The following TMEM232 variants were observed in gnomAD, a reference collection of about 807,000 sequenced individuals.
TMEM232 encodes the protein transmembrane protein 232.
TMEM232 carries 80 observed loss-of-function variants against 78.8 expected under a neutral mutation model. The ratio of observed to expected loss-of-function variants is 1.01; its 90% CI spans 0.85 to 1.22. The LOEUF is 1.22. Among genes scored for constraint, TMEM232 ranks in the 50% most tolerant of loss-of-function variants. The pLI is 0.00. For missense variants in TMEM232, 881 were observed against 742.2 expected, an observed-to-expected ratio of 1.19 and a Z score of -2.17; for synonymous variants, 297 against 254.3, an observed-to-expected ratio of 1.17 and a Z score of -1.60.
At chr5:110,402,630 C>G (rs1755643485) in intron 2 of TMEM232, among the ~76,000 whole-genome samples, 1 of 152,108 alleles carries the variant, frequency 6.6e-6, no homozygotes, top group Non-Finnish European at 1.5e-5. Flanking sequence ...ACAAGTACAG[C>G]TTAGGGAAAT....
At chr5:110,403,737 T>G (rs1755688691) in intron 2 of TMEM232, among the ~76,000 whole-genome samples, 1 of 151,972 alleles carries the variant, frequency 6.6e-6, no homozygotes, top group Non-Finnish European at 1.5e-5. Context: ...CAAAAACCTT[T>G]GAAAATCAGT....
In TMEM232 at chr5:110,398,030, A is replaced by T. The variant is rs141201798; in HGVS notation, n.309-176T>A. 3.5e-3 allele frequency among the ~76,000 whole-genome samples: 529 copies of T among 152,254 alleles called. 2 individuals are homozygous for T. Among genetic ancestry groups the T allele is most frequent in the Non-Finnish European group, 5.4e-3 (369 of 68,020 alleles). On this transcript the variant is annotated intron_variant and non_coding_transcript_variant, in intron 2 of 8. Transcript: ENST00000507188. ...AAAAGGGGACACAGAGAACTCAGTA[A>T]ATTAAAATTCACAAACTATCTCCAA...
intron 5 of TMEM232, among the ~76,000 whole-genome samples, chr5:110,633,058 A>G (rs184331323): frequency 9.5e-4 from 145 of 152,250 alleles, no homozygotes; most frequent in African/African-American, 2.7e-3. Context: ...GCCAAGAGAG[A>G]ATGGAATGAT....
chr5:110,672,343 T>A (rs1017706849), intron 1 of TMEM232, among the ~76,000 whole-genome samples: 1 of 152,182 alleles, frequency 6.6e-6, no homozygotes, highest in Non-Finnish European at 1.5e-5. Context: ...TGGGATGGAA[T>A]AAAACATCAA....
chr5:110,738,799 A>T, upstream of TMEM232: 1 of 467,376 alleles, frequency 2.1e-6, no homozygotes, highest in Non-Finnish European at 3.6e-6. Context: ...CCCTATTCCT[A>T]CACCAGTTCT....
At chr5:110,430,656 A>C (rs1486006384) in intron 12 of TMEM232, among the ~76,000 whole-genome samples, 2 of 151,692 alleles carry the variant, frequency 1.3e-5, no homozygotes, top group Non-Finnish European at 3.0e-5. Context: ...CTAGTGTCAT[A>C]ATCATCGATC....
intron 12 of TMEM232, among the ~76,000 whole-genome samples, chr5:110,432,453 T>C (rs1757962647): frequency 6.6e-6 from 1 of 151,518 alleles, no homozygotes; most frequent in Non-Finnish European, 1.5e-5. Context: ...CATCACATCT[T>C]AACTGGCCCT....
intron 3 of TMEM232, among the ~76,000 whole-genome samples, chr5:110,391,050 C>A (rs982721470): frequency 2.0e-5 from 3 of 152,134 alleles, no homozygotes; most frequent in African/African-American, 7.2e-5. Flanking sequence ...GTGGTTTAGA[C>A]CTTTTGTTTG....
rs1483741258 is a variant in TMEM232 at position 110,606,144 on chromosome 5, A to G, written c.1026+20T>C. 6.5e-7 allele frequency: 1 copy of G among 1,530,044 alleles called. No homozygotes were observed. Among genetic ancestry groups the G allele is most frequent in the Non-Finnish European group, 8.8e-7 (1 of 1,133,922 alleles). The allele number at this position is 1,530,044 out of a possible 1,614,324, so 94.8% of individuals were successfully genotyped here. A position where few individuals can be genotyped will look rare whatever the true frequency, so the allele number is the denominator to read the frequency against. On this transcript the variant is annotated intron_variant, in intron 9 of 13. Coordinates refer to ENST00000455884, the MANE Select transcript of TMEM232 (RefSeq NM_001039763.4). The stretch of plus-strand genomic sequence containing the variant: ...TGTTTCTCTTCGGTTCTCTTTTCAC[A>G]TATAAATTAGCAATGTTACCTGATT...
chr5:110,587,691 A>ATATGTGTGTGTG (rs1209205049), intron 10 of TMEM232, among the ~76,000 whole-genome samples: 1 of 63,132 alleles, frequency 1.6e-5, no homozygotes, highest in Non-Finnish European at 2.8e-5. Context: ...ATATATATAT[A>ATATGTGTGTGTG]TGTGTGTGTG....
At chr5:110,407,816 C>T (rs1281913793) in intron 2 of TMEM232, among the ~76,000 whole-genome samples, 2 of 151,970 alleles carry the variant, frequency 1.3e-5, no homozygotes, top group South Asian at 4.1e-4. Flanking sequence ...AAATATATAT[C>T]AAGTATTATC....
chr5:110,533,744 TCTC>T (rs1485608333), intron 11 of TMEM232, among the ~76,000 whole-genome samples: 1 of 152,092 alleles, frequency 6.6e-6, no homozygotes, highest in Non-Finnish European at 1.5e-5. Context: ...ATCTCTCTGA[TCTC>T]CTGACGTTCA....
At chr5:110,521,895 T>G (rs1769571141) in intron 12 of TMEM232, among the ~76,000 whole-genome samples, 1 of 152,204 alleles carries the variant, frequency 6.6e-6, no homozygotes, top group Admixed American at 6.5e-5. Context: ...GAAAGTGTGA[T>G]GCCTACAGGT....
At chr5:110,621,729 CCTT>C (rs1426803638) in intron 7 of TMEM232, among the ~76,000 whole-genome samples, 1 of 151,860 alleles carries the variant, frequency 6.6e-6, no homozygotes, top group East Asian at 1.9e-4. Flanking sequence ...TTCTCTCCCT[CCTT>C]ACTTCCCTTC....
At chr5:110,393,080 A>G (rs1755262316) in intron 3 of TMEM232, among the ~76,000 whole-genome samples, 5 of 152,218 alleles carry the variant, frequency 3.3e-5, no homozygotes. Context: ...TGTTTGTCTT[A>G]TAGTACAGAG....
At chr5:110,596,555 C>T (rs1370068971) in intron 10 of TMEM232, among the ~76,000 whole-genome samples, 1 of 152,094 alleles carries the variant, frequency 6.6e-6, no homozygotes, top group African/African-American at 2.4e-5. Flanking sequence ...GGCAGAGACA[C>T]CACAAATAAA....
chr5:110,461,849 G>C (rs867967866), intron 12 of TMEM232, among the ~76,000 whole-genome samples: 4 of 152,034 alleles, frequency 2.6e-5, no homozygotes, highest in Admixed American at 6.5e-5. Context: ...AGCATGGTTT[G>C]CTGAATATTT....
intron 10 of TMEM232, among the ~76,000 whole-genome samples, chr5:110,576,835 C>A: frequency 6.6e-6 from 1 of 151,930 alleles, no homozygotes; most frequent in East Asian, 1.9e-4. Flanking sequence ...TAGCCACATG[C>A]AGGAGATTGA....
chr5:110,410,360 T>C (rs1023826439), intron 2 of TMEM232, among the ~76,000 whole-genome samples: 8 of 152,334 alleles, frequency 5.3e-5, no homozygotes, highest in African/African-American at 1.9e-4. Flanking sequence ...TTTCCACAAA[T>C]GTTAGATTCA....
Sources: allele counts gnomAD v4.1 joint callset (sites outside exome capture counted in the v4.1 genomes callset), GRCh38; gene constraint gnomAD v4.1.1; transcripts MANE v1.5; gene names NCBI Gene and HGNC (gene_info 2026-07-23, HGNC 2026-07-21).